MARCHF1: variants seen among roughly 807,000 people sequenced by gnomAD.
MARCHF1 encodes membrane associated ring-CH-type finger 1.
MARCHF1 carries 40 observed loss-of-function variants against 54.2 expected under a neutral mutation model. That is an observed-to-expected ratio of 0.74 (90% confidence interval 0.57 to 0.96). The LOEUF (loss-of-function observed/expected upper bound fraction) is 0.96, where lower values mean the gene tolerates loss of function less well. Ranked by LOEUF, MARCHF1 falls within the 40% of genes least tolerant of loss-of-function variation. The probability of loss-of-function intolerance (pLI) is 0.00; values close to 1 mark genes in which losing one functional copy is unlikely to be tolerated. For missense variants in MARCHF1, 586 were observed against 656.5 expected, an observed-to-expected ratio of 0.89 and a Z score of 1.17; for synonymous variants, 236 against 236.3, an observed-to-expected ratio of 1.00 and a Z score of 0.01.
intron 5 of MARCHF1, among the ~76,000 whole-genome samples, chr4:163,639,984 C>G (rs1051781225): frequency 6.6e-6 from 1 of 152,098 alleles, no homozygotes; most frequent in Non-Finnish European, 1.5e-5. Context: ...CCTCATCTCA[C>G]AGATCACTCC....
At chr4:163,814,956 AT>A (rs1748493640) in intron 4 of MARCHF1, among the ~76,000 whole-genome samples, 1 of 152,094 alleles carries the variant, frequency 6.6e-6, no homozygotes, top group East Asian at 1.9e-4. Context: ...TATAAGCTGA[AT>A]TTTTTTCTGG....
At chr4:163,832,440 A>G (rs1381795041) in intron 4 of MARCHF1, among the ~76,000 whole-genome samples, 1 of 152,154 alleles carries the variant, frequency 6.6e-6, no homozygotes, top group Non-Finnish European at 1.5e-5. Context: ...AAAATGAGCT[A>G]CTGGGACAGT....
At chr4:163,977,123 A>C (rs1460497754) in intron 3 of MARCHF1, among the ~76,000 whole-genome samples, 2 of 151,608 alleles carry the variant, frequency 1.3e-5, no homozygotes, top group African/African-American at 4.8e-5. Context: ...TATTAGCTAG[A>C]ACAATAGTGA....
At chr4:163,973,223 C>G (rs935692856) in intron 3 of MARCHF1, among the ~76,000 whole-genome samples, 1 of 152,188 alleles carries the variant, frequency 6.6e-6, no homozygotes, top group Non-Finnish European at 1.5e-5. Context: ...AACATAGTAA[C>G]TTTCAACAAC....
In MARCHF1 at chr4:163,807,444, T is replaced by C. The variant is rs1310886235; in HGVS notation, c.111+46577A>G. ...AATCTTCATCACATTTATTGTCTTA[T>C]CATTTCATTTTTTGAAATTTAGTTT... On this transcript the variant is annotated intron_variant, in intron 4 of 9. Transcript: ENST00000514618. Among the ~76,000 whole-genome samples, 4 of 152,192 alleles carry C rather than the reference T, an allele frequency of 2.6e-5. No homozygotes were observed. In the South Asian group the frequency reaches 8.3e-4, roughly 32 times the overall value.
chr4:163,611,386 A>G (rs781525415), intron 7 of MARCHF1, among the ~76,000 whole-genome samples: 2 of 152,114 alleles, frequency 1.3e-5, no homozygotes, highest in Non-Finnish European at 2.9e-5. Context: ...TCACACGAAC[A>G]TGCATACATA....
intron 8 of MARCHF1, chr4:163,555,747 C>T: frequency 3.5e-6 from 1 of 289,256 alleles, no homozygotes; most frequent in East Asian, 8.4e-5. Context: ...GTCTCTCTTC[C>T]CCAGAGGTTG....
At chr4:163,972,124 C>T (rs1454924565) in intron 3 of MARCHF1, among the ~76,000 whole-genome samples, 1 of 152,064 alleles carries the variant, frequency 6.6e-6, no homozygotes, top group African/African-American at 2.4e-5. Context: ...TGCATGTTCT[C>T]ACTCATAAAT....
At chr4:163,994,672 T>G (rs1753032724) in intron 2 of MARCHF1, among the ~76,000 whole-genome samples, 1 of 150,978 alleles carries the variant, frequency 6.6e-6, no homozygotes, top group Non-Finnish European at 1.5e-5. Flanking sequence ...TTTAACAAAG[T>G]GTTTCCTGTA....
chr4:164,378,248 G>T (rs1035824778), intron 1 of MARCHF1, among the ~76,000 whole-genome samples: 3 of 152,228 alleles, frequency 2.0e-5, no homozygotes, highest in African/African-American at 7.2e-5. Context: ...GAGGACCACT[G>T]ATGTGAGACA....
intron 2 of MARCHF1, among the ~76,000 whole-genome samples, chr4:164,010,705 A>G (rs1753402583): frequency 6.6e-6 from 1 of 152,180 alleles, no homozygotes; most frequent in Non-Finnish European, 1.5e-5. Context: ...AGCAATCTAC[A>G]GATTAAATGC....
chr4:163,882,407 T>C (rs1454559345), intron 3 of MARCHF1, among the ~76,000 whole-genome samples: 1 of 152,244 alleles, frequency 6.6e-6, no homozygotes, highest in Non-Finnish European at 1.5e-5. Context: ...CTATTGAATC[T>C]AAATGCCTGC....
chr4:164,081,301 A>G (rs1206047224), intron 2 of MARCHF1, among the ~76,000 whole-genome samples: 2 of 151,234 alleles, frequency 1.3e-5, no homozygotes, highest in Non-Finnish European at 3.0e-5. Flanking sequence ...GATTCAAAAT[A>G]ACACACAATA....
intron 4 of MARCHF1, among the ~76,000 whole-genome samples, chr4:163,721,160 C>T (rs778137510): frequency 2.6e-5 from 4 of 152,006 alleles, no homozygotes; most frequent in East Asian, 1.9e-4. Context: ...ATACTGGCTG[C>T]GTGTTTGTCA....
chr4:164,279,938 C>T (rs540897641), intron 1 of MARCHF1, among the ~76,000 whole-genome samples: 1 of 151,616 alleles, frequency 6.6e-6, no homozygotes, highest in African/African-American at 2.4e-5. Context: ...AAATACCCAA[C>T]TAAGTATGTA....
chr4:164,016,126 C>G (rs1032941102), intron 2 of MARCHF1, among the ~76,000 whole-genome samples: 1 of 152,082 alleles, frequency 6.6e-6, no homozygotes, highest in Non-Finnish European at 1.5e-5. Flanking sequence ...TTTCAGACTG[C>G]TATAAAGAAC....
intron 5 of MARCHF1, among the ~76,000 whole-genome samples, chr4:163,632,969 GC>G (rs561501598): frequency 6.6e-5 from 10 of 152,060 alleles, no homozygotes; most frequent in South Asian, 2.1e-4. Flanking sequence ...ACTAGGAGGC[GC>G]CCCCCAGCAG....
At chr4:164,118,638 T>A (rs1305310175) in intron 1 of MARCHF1, among the ~76,000 whole-genome samples, 1 of 151,432 alleles carries the variant, frequency 6.6e-6, no homozygotes, top group African/African-American at 2.4e-5. Flanking sequence ...AAAATAAAAT[T>A]CAATTCTGTT....
chr4:163,603,364 T>G (rs542187669), intron 7 of MARCHF1, among the ~76,000 whole-genome samples: 2 of 152,134 alleles, frequency 1.3e-5, no homozygotes, highest in African/African-American at 4.8e-5. Flanking sequence ...TCAGCTGCCT[T>G]GCTTGGTTGT....
Sources: gnomAD v4.1 joint callset for allele counts (sites outside exome capture counted in the v4.1 genomes callset) on GRCh38, gnomAD v4.1.1 for gene constraint, MANE v1.5 for transcripts, NCBI Gene and HGNC (gene_info 2026-07-23, HGNC 2026-07-21) for gene names.